Variants in PARD3B observed in about 807,000 individuals in gnomAD.
PARD3B encodes the protein partitioning defective 3 homolog B.
PARD3B carries 103 observed loss-of-function variants against 130.2 expected under a neutral mutation model. The observed-to-expected ratio is 0.79, with a 90% CI of 0.67 to 0.93. The LOEUF is 0.93. PARD3B is among the 40% of genes least tolerant of loss of function. The pLI is 0.00. For synonymous variants in PARD3B, 583 were observed against 553.2 expected, an observed-to-expected ratio of 1.05 and a Z score of -0.76; for missense variants, 1,609 against 1,499.2, an observed-to-expected ratio of 1.07 and a Z score of -1.21.
chr2:205,276,319 T>C lies in PARD3B; in HGVS notation c.2186-24211T>C, dbSNP rs561910220. Among the ~76,000 whole-genome samples, 35 of 152,308 alleles carry C rather than the reference T, an allele frequency of 2.3e-4. No homozygotes were observed. The highest frequency in any genetic ancestry group is 8.4e-4 in the African/African-American group (35 of 41,570). ...TGGCAAACAACCTAGAGAGAAAATA[T>C]GTCTTCTGAAAAGATCACGAAATCT... On this transcript the variant is annotated intron_variant, in intron 16 of 22. Transcript: ENST00000406610. The surrounding 1 kb of genome is among the most constrained non-coding windows in gnomAD (Gnocchi z 5.0).
intron 2 of PARD3B, among the ~76,000 whole-genome samples, chr2:204,781,142 G>T (rs755623735): frequency 1.3e-5 from 2 of 152,084 alleles, no homozygotes; most frequent in Non-Finnish European, 2.9e-5. Flanking sequence ...CATGTGAACA[G>T]CTTATTTATA....
chr2:204,926,448 C>T (rs1687623942), intron 2 of PARD3B, among the ~76,000 whole-genome samples: 1 of 152,038 alleles, frequency 6.6e-6, no homozygotes, highest in South Asian at 2.1e-4. Flanking sequence ...AAATAGCACA[C>T]CCCTCATCAC....
Position 205,471,362 on chromosome 2 carries a change from T to TC in PARD3B, c.3045-28534_3045-28533insC, listed in dbSNP as rs1312043533. On this transcript the variant is annotated intron_variant, in intron 20 of 22. Transcript: ENST00000406610. ...GTGCAAACTCACTTTTCTTTTTTTTTTTTTTTTTTTTTTTCTGAGACAGAG... is the reference window on the plus strand; with the variant it reads ...GTGCAAACTCACTTTTCTTTTTTTTTCTTTTTTTTTTTTTTCTGAGACAGAG... Among the ~76,000 whole-genome samples, 9 of 146,772 alleles carry TC rather than the reference T, an allele frequency of 6.1e-5. No homozygotes were observed. In the East Asian group the frequency reaches 1.8e-3, roughly 29 times the overall value.
chr2:205,365,284 T>C (rs1422301389), intron 18 of PARD3B, among the ~76,000 whole-genome samples: 2 of 151,534 alleles, frequency 1.3e-5, no homozygotes, highest in African/African-American at 4.8e-5. Flanking sequence ...AAGCAGAGAA[T>C]TGCTTGAACC....
intron 18 of PARD3B, among the ~76,000 whole-genome samples, chr2:205,304,709 G>A (rs1188718907): frequency 6.6e-6 from 1 of 152,046 alleles, no homozygotes; most frequent in Non-Finnish European, 1.5e-5. Context: ...GCTGAGATGG[G>A]CAAATCACTT....
intron 18 of PARD3B, among the ~76,000 whole-genome samples, chr2:205,344,025 A>G (rs1351464323): frequency 6.6e-6 from 1 of 152,206 alleles, no homozygotes; most frequent in African/African-American, 2.4e-5. Context: ...TCTTAGTGAC[A>G]GCAGAAAAGT....
intron 2 of PARD3B, among the ~76,000 whole-genome samples, chr2:204,953,414 CACACACAGAGAGAG>C (rs1444104130): frequency 4.7e-5 from 5 of 106,366 alleles, no homozygotes; most frequent in African/African-American, 2.0e-4. Flanking sequence ...TTAACATACA[CACACACAGAGAGAG>C]AGAGAGAGAG....
chr2:205,469,958 G>A (rs2106253526), intron 20 of PARD3B, among the ~76,000 whole-genome samples: 1 of 152,326 alleles, frequency 6.6e-6, no homozygotes, highest in East Asian at 1.9e-4. Flanking sequence ...GTAAGTACCA[G>A]TAAGCAGGGT....
chr2:204,855,944 CATTT>C (rs1037245215), intron 2 of PARD3B, among the ~76,000 whole-genome samples: 25 of 152,216 alleles, frequency 1.6e-4, no homozygotes, highest in African/African-American at 5.5e-4. Context: ...TTTATTCATT[CATTT>C]GTTGATGAAT....
rs1037301714 is a variant in PARD3B, at chr2:205,405,758, C to A, written c.2741+4635C>A. Among the ~76,000 whole-genome samples the A allele has an allele frequency of 3.3e-5, 5 of 152,014 alleles. No individual in the cohort carries two copies. The highest frequency in any genetic ancestry group is 1.2e-4 in the African/African-American group (5 of 41,386). On this transcript the variant is annotated intron_variant, in intron 19 of 22. Coordinates refer to ENST00000406610, the MANE Select transcript of PARD3B (RefSeq NM_001302769.2). This position sits in a 1 kb window ranked among gnomAD's most constrained non-coding sequence, Gnocchi z 4.1. ...AGCAGGAACAATGGACTGAATTAAA[C>A]GTAAAGAAAGTTAATGGAAATAAAT...
intron 1 of PARD3B, among the ~76,000 whole-genome samples, chr2:204,588,955 C>T (rs1185833796): frequency 2.0e-5 from 3 of 151,878 alleles, no homozygotes; most frequent in African/African-American, 7.3e-5. Context: ...CCTTGGTTTT[C>T]TTTCTTTCTC....
rs1313185146 is a variant in PARD3B at position 204,799,855 on chromosome 2, T to G, written c.222+113573T>G. On this transcript the variant is annotated intron_variant, in intron 2 of 22. Transcript: ENST00000406610. The surrounding 1 kb of genome is among the most constrained non-coding windows in gnomAD (Gnocchi z 4.1). ...AGATATGGCTGCAGTGACTAAAGAT[T>G]TATATCACAGCATCAGTTCCCTTGG... is the stretch of plus-strand genomic sequence containing the variant. 6.6e-6 allele frequency among the ~76,000 whole-genome samples: 1 copy of G among 152,124 alleles called. No individual in the cohort carries two copies. The highest frequency in any genetic ancestry group is 1.5e-5 in the Non-Finnish European group (1 of 68,032).
intron 2 of PARD3B, among the ~76,000 whole-genome samples, chr2:204,923,094 T>G: frequency 6.6e-6 from 1 of 152,088 alleles, no homozygotes; most frequent in Non-Finnish European, 1.5e-5. Flanking sequence ...TTTTGAAAGT[T>G]AGATTAGTTT....
chr2:205,036,629 C>G (rs1380062649), intron 3 of PARD3B, among the ~76,000 whole-genome samples: 1 of 147,304 alleles, frequency 6.8e-6, no homozygotes, highest in Non-Finnish European at 1.5e-5. Flanking sequence ...ACACAGCGGA[C>G]TGTATGTACA....
intron 2 of PARD3B, among the ~76,000 whole-genome samples, chr2:204,752,492 T>C (rs1271799276): frequency 1.3e-5 from 2 of 152,162 alleles, no homozygotes; most frequent in Non-Finnish European, 2.9e-5. Flanking sequence ...TAAACTCGAA[T>C]GTTGCCCCTT....
At chr2:205,482,312 C>T (rs1031699550) in intron 20 of PARD3B, among the ~76,000 whole-genome samples, 5 of 152,140 alleles carry the variant, frequency 3.3e-5, no homozygotes, top group Non-Finnish European at 7.3e-5. Context: ...ACAAGGGTTG[C>T]TCTGCCATAT....
At position 204,931,598 on chromosome 2, in the gene PARD3B, G is replaced by GT. The variant is rs5837943; in HGVS notation, c.223-33542dup. Among the ~76,000 whole-genome samples, 209 of 145,654 alleles carry GT rather than the reference G, an allele frequency of 1.4e-3. 1 individual carries two copies. The highest frequency in any genetic ancestry group is 3.1e-3 in the African/African-American group (124 of 39,406). Reference sequence around the variant, plus strand: ...TATAAATGCTTAGAAATTAACAATTGTTTTTTTTTTTTCTCCTAAGGAAAA... The same window carrying GT: ...TATAAATGCTTAGAAATTAACAATTGTTTTTTTTTTTTTCTCCTAAGGAAAA... On this transcript the variant is annotated intron_variant, in intron 2 of 22. Coordinates refer to ENST00000406610, the MANE Select transcript of PARD3B (RefSeq NM_001302769.2).
At chr2:205,056,314 G>A (rs1559395191) in intron 4 of PARD3B, among the ~76,000 whole-genome samples, 1 of 151,940 alleles carries the variant, frequency 6.6e-6, no homozygotes. Flanking sequence ...GTTTAAAAGA[G>A]TTTTATTTCT....
At position 205,432,746 on chromosome 2, in the gene PARD3B, T is replaced by A. The variant is rs974331946; in HGVS notation, c.2742-7624T>A. On this transcript the variant is annotated intron_variant, in intron 19 of 22. Coordinates refer to ENST00000406610, the MANE Select transcript of PARD3B (RefSeq NM_001302769.2). ...TCACACTTCAAGAGTTCAGTATCCA[T>A]GTGTAGCTAGTAGCTGCTGTATTTA... Among the ~76,000 whole-genome samples, 7 of 152,222 alleles carry A rather than the reference T, an allele frequency of 4.6e-5. No homozygotes were observed. In the East Asian group the frequency reaches 1.3e-3, roughly 29 times the overall value.
Sources: allele counts gnomAD v4.1 joint callset (sites outside exome capture counted in the v4.1 genomes callset), GRCh38; gene constraint gnomAD v4.1.1; non-coding constraint Gnocchi (gnomAD v3.1); transcripts MANE v1.5; gene names NCBI Gene and HGNC (gene_info 2026-07-23, HGNC 2026-07-21).